The following PRMT8 variants were observed in gnomAD, a reference collection of about 807,000 sequenced individuals.
PRMT8 encodes protein arginine N-methyltransferase 8.
Under a neutral mutation model 47.1 loss-of-function variants are expected in PRMT8, and 7 were observed. The observed-to-expected ratio is 0.15, with a 90% confidence interval of 0.08 to 0.28. PRMT8 has a LOEUF of 0.28. Among genes scored for constraint, PRMT8 ranks in the 10% least tolerant of loss-of-function variants. The pLI is 1.00. For synonymous variants in PRMT8, 188 were observed against 186.5 expected (o/e 1.01, Z -0.07); for missense variants, 237 against 505.4 (o/e 0.47, Z 5.09).
rs539969651 is a variant in PRMT8 at position 3,584,843 on chromosome 12, C to T, written c.979+1635C>T. ...CAGCTGCCCCATTGATGGTGTCTTA[C>T]GTAAGCATAGTACAATATCAAAACT... is the stretch of plus-strand genomic sequence containing the variant. On this transcript the variant is annotated intron_variant, in intron 8 of 9. Transcript: ENST00000382622. Among the ~76,000 whole-genome samples the T allele has an allele frequency of 1.0e-3, 159 of 152,270 alleles. 1 individual carries two copies. The highest frequency in any genetic ancestry group is 0.01 in the Middle Eastern group (3 of 294).
intron 4 of PRMT8, among the ~76,000 whole-genome samples, chr12:3,555,282 C>T (rs1297738436): frequency 1.3e-5 from 2 of 152,174 alleles, no homozygotes; most frequent in Non-Finnish European, 2.9e-5. Context: ...GGAGAGAGAC[C>T]CCATGGCTGC....
intron 4 of PRMT8, among the ~76,000 whole-genome samples, chr12:3,565,570 A>G (rs1866705812): frequency 6.6e-6 from 1 of 152,208 alleles, no homozygotes; most frequent in African/African-American, 2.4e-5. Flanking sequence ...TTAAGAGAAC[A>G]GAAGTCCAGA....
At chr12:3,476,021 A>G (rs538098252) in intron 1 of PRMT8, among the ~76,000 whole-genome samples, 1 of 152,338 alleles carries the variant, frequency 6.6e-6, no homozygotes, top group East Asian at 1.9e-4. Flanking sequence ...CAGAGCCTTT[A>G]GGATCTGGAC....
Position 3,404,698 on chromosome 12 carries a change from T to G in PRMT8, c.48+23256T>G, listed in dbSNP as rs529180937. On this transcript the variant is annotated intron_variant, in intron 1 of 9. Transcript: ENST00000452611. ...GTTGTTCGGTTCTTCCCTTTCCTTA[T>G]TGATTTTATTGGGTCCATTATCAGT... is the stretch of plus-strand genomic sequence containing the variant. Among the ~76,000 whole-genome samples the G allele has an allele frequency of 3.6e-4, 55 of 152,336 alleles. 1 individual carries two copies. The highest frequency in any genetic ancestry group is 1.2e-3 in the African/African-American group (49 of 41,596).
chr12:3,525,584 A>G (rs1016443877), intron 1 of PRMT8, among the ~76,000 whole-genome samples: 3 of 152,162 alleles, frequency 2.0e-5, no homozygotes, highest in Non-Finnish European at 4.4e-5. Context: ...CTTTCCCATC[A>G]TTATTGGAAT....
intron 1 of PRMT8, among the ~76,000 whole-genome samples, chr12:3,482,263 G>C (rs1317801736): frequency 1.3e-5 from 2 of 152,196 alleles, no homozygotes; most frequent in African/African-American, 4.8e-5. Context: ...AGGAAGAAAA[G>C]AAAAGACCAT....
At chr12:3,440,787 C>T (rs1864792011) in intron 1 of PRMT8, among the ~76,000 whole-genome samples, 1 of 152,100 alleles carries the variant, frequency 6.6e-6, no homozygotes, top group Non-Finnish European at 1.5e-5. Context: ...TATACCAGGA[C>T]AAGAAAACAG....
chr12:3,491,089 G>T, upstream of PRMT8: 1 of 864,208 alleles, frequency 1.2e-6, no homozygotes, highest in Non-Finnish European at 1.4e-6. Flanking sequence ...GGGCGGGCCC[G>T]GGGGCGCTGG....
intron 4 of PRMT8, among the ~76,000 whole-genome samples, chr12:3,560,915 A>G (rs973627516): frequency 6.6e-6 from 1 of 152,222 alleles, no homozygotes; most frequent in Non-Finnish European, 1.5e-5. Context: ...GTGGAGGTCA[A>G]GTGCCTGATA....
intron 1 of PRMT8, among the ~76,000 whole-genome samples, chr12:3,532,151 G>A (rs946221848): frequency 5.3e-5 from 8 of 152,016 alleles, no homozygotes; most frequent in South Asian, 2.1e-4. Flanking sequence ...CTTTCAGAAC[G>A]TTAATTTCTA....
intron 1 of PRMT8, among the ~76,000 whole-genome samples, chr12:3,486,195 G>T (rs1360756219): frequency 6.6e-6 from 1 of 152,072 alleles, no homozygotes. Flanking sequence ...CATGCTTCTG[G>T]TTGAGGCCCT....
chr12:3,542,366 G>A (rs1191319726), intron 2 of PRMT8, among the ~76,000 whole-genome samples: 1 of 152,190 alleles, frequency 6.6e-6, no homozygotes, highest in African/African-American at 2.4e-5. Flanking sequence ...AGGGCAGATG[G>A]ATGAACTCTT....
chr12:3,478,912 A>G (rs557589574), intron 1 of PRMT8, among the ~76,000 whole-genome samples: 3 of 152,366 alleles, frequency 2.0e-5, no homozygotes, highest in Admixed American at 6.5e-5. Flanking sequence ...TAAAAGTTAC[A>G]GGGAAGCATT....
rs569441847 is a variant in PRMT8, at chr12:3,593,423, G to T, written c.*241G>T. Reference sequence around the variant, plus strand: ...AGGCTTTGTGTTGCCAACAAAGAGCGACCTGGCGTGCTGTGGCTGGGCCCC... The same window carrying T: ...AGGCTTTGTGTTGCCAACAAAGAGCTACCTGGCGTGCTGTGGCTGGGCCCC... On this transcript the variant is annotated 3_prime_UTR_variant, in exon 10 of 10. Coordinates refer to ENST00000382622, the MANE Select transcript of PRMT8 (RefSeq NM_019854.5). This position sits in a 1 kb window ranked among gnomAD's most constrained non-coding sequence, Gnocchi z 4.8. 5.2e-5 allele frequency: 26 copies of T among 504,028 alleles called. No homozygotes were observed. The highest frequency in any genetic ancestry group is 2.4e-5 in the South Asian group (1 of 41,868). The allele number at this position is 504,028 out of a possible 1,614,324, so 31.2% of individuals were successfully genotyped here.
At chr12:3,457,357 T>G (rs956848670) in intron 1 of PRMT8, among the ~76,000 whole-genome samples, 1 of 152,224 alleles carries the variant, frequency 6.6e-6, no homozygotes, top group Non-Finnish European at 1.5e-5. Context: ...TCACCCAGAC[T>G]GGACTGCAGT....
intron 1 of PRMT8, among the ~76,000 whole-genome samples, chr12:3,471,230 G>A (rs78881046): frequency 0.073 from 11,169 of 152,112 alleles, 464 homozygotes; most frequent in Non-Finnish European, 0.09. Context: ...GGGAAGGAGA[G>A]GGGCAAGGTG....
chr12:3,548,955 G>A (rs1488425995), intron 2 of PRMT8, among the ~76,000 whole-genome samples: 1 of 152,050 alleles, frequency 6.6e-6, no homozygotes, highest in Admixed American at 6.5e-5. Context: ...GTCATAGAAG[G>A]GAATACCATA....
chr12:3,437,895 G>C (rs1018531733), intron 1 of PRMT8, among the ~76,000 whole-genome samples: 5 of 152,298 alleles, frequency 3.3e-5, no homozygotes, highest in African/African-American at 1.2e-4. Flanking sequence ...CTGACACACG[G>C]CGAGGGCCCA....
intron 1 of PRMT8, among the ~76,000 whole-genome samples, chr12:3,494,128 G>A (rs1341036176): frequency 1.3e-5 from 2 of 151,618 alleles, no homozygotes; most frequent in Non-Finnish European, 2.9e-5. Flanking sequence ...GTCAGTGGGT[G>A]GTGGGGAGCG....
Sources: gnomAD v4.1 joint callset for allele counts (sites outside exome capture counted in the v4.1 genomes callset) on GRCh38, gnomAD v4.1.1 for gene constraint, Gnocchi (gnomAD v3.1) non-coding constraint, MANE v1.5 for transcripts, NCBI Gene and HGNC (gene_info 2026-07-23, HGNC 2026-07-21) for gene names.